The following COMMD10 variants were observed in gnomAD, a reference collection of about 807,000 sequenced individuals.
COMMD10 encodes the protein COMM domain containing 10.
COMMD10 carries 33 observed loss-of-function variants against 28.9 expected under a neutral mutation model. The observed-to-expected ratio is 1.14, with a 90% CI of 0.87 to 1.53. COMMD10 has a LOEUF of 1.53. COMMD10 is among the 40% of genes most tolerant of loss of function. COMMD10 has a pLI of 0.00. For missense variants in COMMD10, 310 were observed against 233.4 expected (o/e 1.33, Z -2.14); for synonymous variants, 110 against 81.7 (o/e 1.35, Z -1.87).
rs116489932 is a variant in COMMD10, at chr5:116,291,852, A to G, written c.570+276A>G. 3.8e-3 allele frequency among the ~76,000 whole-genome samples: 581 copies of G among 152,246 alleles called. 5 individuals are homozygous for G. Among genetic ancestry groups the G allele is most frequent in the African/African-American group, 0.013 (560 of 41,554 alleles). On this transcript the variant is annotated intron_variant, in intron 6 of 6. Transcript: ENST00000274458. Reference sequence around the variant, plus strand: ...GTAATGAACTTTGTGATTCCTAGCCACACTGACACTTTAAATATATATAAT... The same window carrying G: ...GTAATGAACTTTGTGATTCCTAGCCGCACTGACACTTTAAATATATATAAT...
intron 5 of COMMD10, among the ~76,000 whole-genome samples, chr5:116,195,334 G>T (rs895632557): frequency 8.5e-5 from 13 of 152,098 alleles, no homozygotes; most frequent in African/African-American, 2.9e-4. Context: ...ACAAGAGAAA[G>T]AAATAAAGAG....
At position 116,189,544 on chromosome 5, in the gene COMMD10, T is replaced by C. The variant is rs73780870; in HGVS notation, c.510+55366T>C. 4.2e-3 allele frequency among the ~76,000 whole-genome samples: 639 copies of C among 152,306 alleles called. 4 individuals carry two copies. Among genetic ancestry groups the C allele is most frequent in the African/African-American group, 0.014 (584 of 41,562 alleles). On this transcript the variant is annotated intron_variant, in intron 5 of 6. Coordinates refer to ENST00000274458, the MANE Select transcript of COMMD10 (RefSeq NM_016144.4). Reference sequence around the variant, plus strand: ...GTGTGCCATCCGAATTGTTTCCTACTTAACTTAACCAGAAATCACTTCCAT... The same window carrying C: ...GTGTGCCATCCGAATTGTTTCCTACCTAACTTAACCAGAAATCACTTCCAT...
At chr5:116,242,067 G>A (rs969228963) in intron 5 of COMMD10, among the ~76,000 whole-genome samples, 3 of 152,126 alleles carry the variant, frequency 2.0e-5, no homozygotes, top group Admixed American at 2.0e-4. Context: ...ATCTCCTAAG[G>A]TAACTCTAAT....
At chr5:116,292,156 A>G (rs1751381166) in intron 6 of COMMD10, among the ~76,000 whole-genome samples, 1 of 152,224 alleles carries the variant, frequency 6.6e-6, no homozygotes, top group African/African-American at 2.4e-5. Flanking sequence ...CATTAAAAAA[A>G]AAATTATGGA....
chr5:116,176,091 T>C (rs182504697), intron 5 of COMMD10, among the ~76,000 whole-genome samples: 3,235 of 152,238 alleles, frequency 0.021, 117 homozygotes, highest in African/African-American at 0.072. Flanking sequence ...CACATTCACC[T>C]TGTTGGCTTT....
At chr5:116,190,734 A>G (rs991906972) in intron 5 of COMMD10, among the ~76,000 whole-genome samples, 2 of 152,236 alleles carry the variant, frequency 1.3e-5, no homozygotes, top group African/African-American at 2.4e-5. Flanking sequence ...AAGGAAAGCA[A>G]CTAACAACTT....
At chr5:116,241,634 A>G (rs895112211) in intron 5 of COMMD10, among the ~76,000 whole-genome samples, 1 of 127,702 alleles carries the variant, frequency 7.8e-6, no homozygotes, top group Non-Finnish European at 1.7e-5. Context: ...TTATTTTGAG[A>G]TGGAGTCTCG....
chr5:116,151,989 T>C (rs905692140), intron 5 of COMMD10, among the ~76,000 whole-genome samples: 6 of 152,054 alleles, frequency 3.9e-5, no homozygotes, highest in East Asian at 3.9e-4. Context: ...CTCTTGTGGG[T>C]ATTTAGTGCT....
chr5:116,222,464 C>A (rs1382340), intron 5 of COMMD10, among the ~76,000 whole-genome samples: 16,094 of 152,032 alleles, frequency 0.11, 938 homozygotes, highest in African/African-American at 0.15. Context: ...TAAATTGACT[C>A]ATTGACTCAT....
At chr5:116,271,916 G>C (rs762206169) in intron 5 of COMMD10, among the ~76,000 whole-genome samples, 6 of 151,602 alleles carry the variant, frequency 4.0e-5, no homozygotes, top group Non-Finnish European at 7.4e-5. Context: ...CAACCTCTCA[G>C]TTTTATATTT....
At chr5:116,164,751 GAGTT>G (rs936251812) in intron 5 of COMMD10, among the ~76,000 whole-genome samples, 27 of 144,072 alleles carry the variant, frequency 1.9e-4, no homozygotes, top group African/African-American at 6.7e-4. Context: ...ACTTAACTAA[GAGTT>G]AGTTGCAAAA....
At chr5:116,247,698 A>C (rs762982581) in intron 5 of COMMD10, among the ~76,000 whole-genome samples, 1 of 152,086 alleles carries the variant, frequency 6.6e-6, no homozygotes, top group South Asian at 2.1e-4. Context: ...ATCCTTAGCA[A>C]ATTAATGCAG....
chr5:116,087,423 T>G (rs1750141031), intron 1 of COMMD10, 74 bp from the exon 2 acceptor site: 1 of 894,750 alleles, frequency 1.1e-6, no homozygotes, highest in African/African-American at 1.6e-5. Context: ...GAATGAAAAC[T>G]TATAGACAAC....
chr5:116,093,936 C>T (rs1004049908), intron 4 of COMMD10, among the ~76,000 whole-genome samples: 1 of 152,146 alleles, frequency 6.6e-6, no homozygotes, highest in African/African-American at 2.4e-5. Flanking sequence ...AAAGGGCACC[C>T]TCTTTAATAA....
At chr5:116,263,318 T>G (rs1228207457) in intron 5 of COMMD10, among the ~76,000 whole-genome samples, 1 of 151,692 alleles carries the variant, frequency 6.6e-6, no homozygotes, top group Non-Finnish European at 1.5e-5. Flanking sequence ...TCAGATGGGT[T>G]TTATTTGACC....
At chr5:116,142,439 G>A (rs1752223286) in intron 5 of COMMD10, among the ~76,000 whole-genome samples, 1 of 151,704 alleles carries the variant, frequency 6.6e-6, no homozygotes, top group Admixed American at 6.6e-5. Flanking sequence ...TTAGGATTTA[G>A]GGTTATTCCT....
intron 5 of COMMD10, among the ~76,000 whole-genome samples, chr5:116,237,849 C>G (rs115617164): frequency 1.8e-4 from 27 of 152,194 alleles, no homozygotes; most frequent in African/African-American, 6.3e-4. Flanking sequence ...ATCATCAACT[C>G]CTACTGAGAA....
intron 5 of COMMD10, among the ~76,000 whole-genome samples, chr5:116,192,537 C>G (rs945071622): frequency 6.6e-6 from 1 of 152,034 alleles, no homozygotes. Context: ...TGGAAAGTCT[C>G]AACAATAGAA....
At chr5:116,157,482 C>G (rs1456094265) in intron 5 of COMMD10, among the ~76,000 whole-genome samples, 2 of 152,090 alleles carry the variant, frequency 1.3e-5, no homozygotes, top group African/African-American at 2.4e-5. Context: ...TGTCGGTTAT[C>G]ATTTAGCAGG....
Sources: allele counts gnomAD v4.1 joint callset (sites outside exome capture counted in the v4.1 genomes callset), GRCh38; gene constraint gnomAD v4.1.1; transcripts MANE v1.5; gene names NCBI Gene and HGNC (gene_info 2026-07-23, HGNC 2026-07-21).